The following NET1 variants were observed in gnomAD, a reference collection of about 807,000 sequenced individuals.
NET1 encodes neuroepithelial cell transforming 1.
NET1 carries 42 observed loss-of-function variants against 61.1 expected under a neutral mutation model. That is an observed-to-expected ratio of 0.69 (90% confidence interval 0.54 to 0.89). The LOEUF (loss-of-function observed/expected upper bound fraction) is 0.89, where lower values mean the gene tolerates loss of function less well. NET1 is among the 40% of genes least tolerant of loss of function. The pLI is 0.00. For synonymous variants in NET1, 254 were observed against 281.8 expected, an observed-to-expected ratio of 0.90 and a Z score of 0.99; for missense variants, 654 against 747.3, an observed-to-expected ratio of 0.88 and a Z score of 1.46.
At position 5,429,857 on chromosome 10, in the gene NET1, T is replaced by A. The variant is rs183053118; in HGVS notation, c.255+628T>A. Among the ~76,000 whole-genome samples, 578 of 151,984 alleles carry A rather than the reference T, an allele frequency of 3.8e-3. 6 individuals carry two copies. The highest frequency in any genetic ancestry group is 0.013 in the African/African-American group (533 of 41,552). ...CCAGTTAGTAAATTTTACTGTAGCA[T>A]CTTGGTTTTGGAGAGTCTTTTTTTA... On this transcript the variant is annotated intron_variant, in intron 3 of 11. Transcript: ENST00000355029.
chr10:5,424,005 G>T lies in NET1; in HGVS notation c.129-2650G>T, dbSNP rs1832221448. 6.6e-6 allele frequency among the ~76,000 whole-genome samples: 1 copy of T among 152,070 alleles called. No homozygotes were observed. The stretch of plus-strand genomic sequence containing the variant: ...TGGAAAGAATTTTATCATATGATTG[G>T]AAATATTTTTCCAGTTAACCTTTTA... On this transcript the variant is annotated intron_variant, in intron 1 of 11. Transcript: ENST00000355029. The surrounding 1 kb of genome is among the most constrained non-coding windows in gnomAD (Gnocchi z 6.1).
rs1380384547 is a variant in NET1 at position 5,427,232 on chromosome 10, T to A, written c.195+511T>A. 6.6e-6 allele frequency among the ~76,000 whole-genome samples: 1 copy of A among 152,170 alleles called. No individual in the cohort carries two copies. The highest frequency in any genetic ancestry group is 1.5e-5 in the Non-Finnish European group (1 of 68,022). On this transcript the variant is annotated intron_variant, in intron 2 of 11. Transcript: ENST00000355029. This position sits in a 1 kb window ranked among gnomAD's most constrained non-coding sequence, Gnocchi z 4.1. ...AAGTGATAACAGAAAATTGATTCTT[T>A]TTGTACTTAAAACTTATTAGCTCAT...
Position 5,439,308 on chromosome 10 carries a change from A to G in NET1, c.255+10079A>G, listed in dbSNP as rs1390702824. 6.6e-6 allele frequency among the ~76,000 whole-genome samples: 1 copy of G among 152,154 alleles called. No homozygotes were observed. The highest frequency in any genetic ancestry group is 2.4e-5 in the African/African-American group (1 of 41,440). ...GTCCATTTTCTGCTCATACCAACAT[A>G]TGAAGCTAATTCATGTGTGAATGAG... On this transcript the variant is annotated intron_variant, in intron 3 of 11. Coordinates refer to ENST00000355029, the MANE Select transcript of NET1 (RefSeq NM_001047160.3). The surrounding 1 kb of genome is among the most constrained non-coding windows in gnomAD (Gnocchi z 4.8).
At chr10:5,442,397 T>C (rs1454965972) in intron 3 of NET1, among the ~76,000 whole-genome samples, 1 of 151,614 alleles carries the variant, frequency 6.6e-6, no homozygotes, top group Non-Finnish European at 1.5e-5. Flanking sequence ...TCCTAAGCTC[T>C]AATTTATTTC....
At position 5,423,577 on chromosome 10, in the gene NET1, T is replaced by C. The variant is rs1832213033; in HGVS notation, c.129-3078T>C. 1.3e-5 allele frequency among the ~76,000 whole-genome samples: 2 copies of C among 152,208 alleles called. No homozygotes were observed. ...ATTAGTTTATTTTATTCCTTAAATG[T>C]TGTAATTATTTGGATATATAGAAAA... On this transcript the variant is annotated intron_variant, in intron 1 of 11. Transcript: ENST00000355029. This position sits in a 1 kb window ranked among gnomAD's most constrained non-coding sequence, Gnocchi z 4.4.
rs971737059 is a variant in NET1 at position 5,435,391 on chromosome 10, G to A, written c.255+6162G>A. On this transcript the variant is annotated intron_variant, in intron 3 of 11. Coordinates refer to ENST00000355029, the MANE Select transcript of NET1 (RefSeq NM_001047160.3). The surrounding 1 kb of genome is among the most constrained non-coding windows in gnomAD (Gnocchi z 5.0). ...TACATCTAAATACAACAGTTTTTAT[G>A]TAATAAGCTAAACATAATCTGTTAG... Among the ~76,000 whole-genome samples the A allele has an allele frequency of 1.3e-5, 2 of 152,004 alleles. No individual in the cohort carries two copies. The highest frequency in any genetic ancestry group is 2.4e-5 in the African/African-American group (1 of 41,350).
At position 5,446,646 on chromosome 10, in the gene NET1, C is replaced by T. The variant is rs937079002; in HGVS notation, c.256-5184C>T. On this transcript the variant is annotated intron_variant, in intron 3 of 11. Transcript: ENST00000355029. This position sits in a 1 kb window ranked among gnomAD's most constrained non-coding sequence, Gnocchi z 5.0. ...TCCACCGCGGCGAGAGGCATGGGCA[C>T]GTGGCTGCCGAGGGTGGCCGAGCTC... The T allele has an allele frequency of 4.7e-5, 61 of 1,302,130 alleles. No homozygotes were observed. The Admixed American group carries it at 1.7e-3, about 37-fold the overall frequency. The allele number at this position is 1,302,130 out of a possible 1,614,324, so 80.7% of individuals were successfully genotyped here.
Position 5,456,011 on chromosome 10 carries a change from G to A in NET1, c.1198-76G>A, listed in dbSNP as rs1832790554. ...TAAATCTGATGAAATTAATAATGTC[G>A]AGTTATTTTAGCAATATATTTCAGT... On this transcript the variant is annotated intron_variant, in intron 10 of 11. Transcript: ENST00000355029. This position sits in a 1 kb window ranked among gnomAD's most constrained non-coding sequence, Gnocchi z 7.0. 4.6e-6 allele frequency: 6 copies of A among 1,314,870 alleles called. No homozygotes were observed. The South Asian group carries it at 4.7e-5, about 10-fold the overall frequency. The allele number at this position is 1,314,870 out of a possible 1,614,324, so 81.5% of individuals were successfully genotyped here.
chr10:5,414,859 G>GTTT lies in NET1; in HGVS notation c.128+2039_128+2040insTTT, dbSNP rs1832052319. 2.0e-5 allele frequency among the ~76,000 whole-genome samples: 3 copies of GTTT among 152,264 alleles called. No individual in the cohort carries two copies. In the South Asian group the frequency reaches 6.2e-4, roughly 32 times the overall value. The stretch of plus-strand genomic sequence containing the variant: ...GATGATATATAGTTTTGAAGAATGG[G>GTTT]GTGTGTTGTGAGCAGGAATTTGAGG... On this transcript the variant is annotated intron_variant, in intron 1 of 11. Transcript: ENST00000355029.
At chr10:5,433,920 AT>A (rs10709166) in intron 3 of NET1, among the ~76,000 whole-genome samples, 75,569 of 151,650 alleles carry the variant, frequency 0.5, 21,556 homozygotes, top group Admixed American at 0.64. Flanking sequence ...TTCTGAAATA[AT>A]TTTTTTTATT....
chr10:5,448,799 T>A (rs1363607081), intron 3 of NET1, among the ~76,000 whole-genome samples: 1 of 151,540 alleles, frequency 6.6e-6, no homozygotes, highest in African/African-American at 2.4e-5. Context: ...GCAGTGGAAC[T>A]ATGGGTGCCT....
chr10:5,419,668 C>T (rs556135581), intron 1 of NET1, among the ~76,000 whole-genome samples: 33 of 142,292 alleles, frequency 2.3e-4, no homozygotes, highest in Admixed American at 3.6e-4. Context: ...AAGGCAAGTC[C>T]GCTACCAACA....
chr10:5,435,598 G>A lies in NET1; in HGVS notation c.255+6369G>A, dbSNP rs1832418455. On this transcript the variant is annotated intron_variant, in intron 3 of 11. Transcript: ENST00000355029. This position sits in a 1 kb window ranked among gnomAD's most constrained non-coding sequence, Gnocchi z 5.0. ...CTCCGTAAATATTGAATTAATGAAT[G>A]AAATATTAATAATACAGGTCAAATG... Among the ~76,000 whole-genome samples the A allele has an allele frequency of 6.6e-6, 1 of 152,078 alleles. No individual in the cohort carries two copies.
chr10:5,414,329 C>G (rs185692136), intron 1 of NET1, among the ~76,000 whole-genome samples: 71 of 152,248 alleles, frequency 4.7e-4, no homozygotes, highest in African/African-American at 1.6e-3. Flanking sequence ...GAGCCAATGG[C>G]ATGACATATT....
chr10:5,438,928 C>T (rs1249129765), intron 3 of NET1, among the ~76,000 whole-genome samples: 6 of 152,196 alleles, frequency 3.9e-5, no homozygotes, highest in African/African-American at 9.7e-5. Context: ...CTCCTGTGCT[C>T]ATGGGTCTAT....
chr10:5,457,825 G>A lies in NET1; in HGVS notation c.*831G>A, dbSNP rs570052697. On this transcript the variant is annotated 3_prime_UTR_variant, in exon 12 of 12. Coordinates refer to ENST00000355029, the MANE Select transcript of NET1 (RefSeq NM_001047160.3). The surrounding 1 kb of genome is among the most constrained non-coding windows in gnomAD (Gnocchi z 5.4). ...TTAAGAAAATTGCCATTTTTAAAGT[G>A]TAGCATTTCAGGGTAAAGACCCATG... The A allele has an allele frequency of 3.9e-5, 6 of 152,624 alleles. No homozygotes were observed. In the East Asian group the frequency reaches 7.7e-4, roughly 20 times the overall value. 9.5% of individuals were successfully genotyped at this position (152,624 alleles called of 1,614,324 possible). A position where few individuals can be genotyped will look rare whatever the true frequency, so the allele number is the denominator to read the frequency against.
chr10:5,426,531 G>A lies in NET1; in HGVS notation c.129-124G>A. 7 of 634,208 alleles carry A rather than the reference G, an allele frequency of 1.1e-5. No individual in the cohort carries two copies. In the South Asian group the frequency reaches 1.5e-4, roughly 13 times the overall value. The allele number at this position is 634,208 out of a possible 1,614,324, so 39.3% of individuals were successfully genotyped here. A position where few individuals can be genotyped will look rare whatever the true frequency, so the allele number is the denominator to read the frequency against. ...GACCATCTCTCATATTACTAAGATT[G>A]AATGACAAATCAGGCCACTTTAAAC... On this transcript the variant is annotated intron_variant, in intron 1 of 11. Coordinates refer to ENST00000355029, the MANE Select transcript of NET1 (RefSeq NM_001047160.3). This position sits in a 1 kb window ranked among gnomAD's most constrained non-coding sequence, Gnocchi z 4.6.
chr10:5,434,395 G>A (rs1832393839), intron 3 of NET1, among the ~76,000 whole-genome samples: 1 of 152,186 alleles, frequency 6.6e-6, no homozygotes, highest in Non-Finnish European at 1.5e-5. Flanking sequence ...GGCCCAGACT[G>A]CTCTAACACC....
At position 5,429,211 on chromosome 10, in the gene NET1, T is replaced by C. The variant is rs1277149332; in HGVS notation, c.237T>C (p.Leu79=). The change falls in exon 3 of 12, where the codon CTT becomes CTC. Residue 79 remains leucine (L), a synonymous_variant. Coordinates refer to ENST00000355029, the MANE Select transcript of NET1 (RefSeq NM_001047160.3). ...AGAAAGATGATGATGTTGTAAGCCTTAGCAGCCTTGATCTGAAGGTAAGCC... is the reference window on the plus strand; with the variant it reads ...AGAAAGATGATGATGTTGTAAGCCTCAGCAGCCTTGATCTGAAGGTAAGCC... The part of the protein sequence containing the change: ...RREKDDDVVS[L]SSLDLKEPSN... The C allele has an allele frequency of 6.2e-7, 1 of 1,609,382 alleles. No individual in the cohort carries two copies. The highest frequency in any genetic ancestry group is 1.1e-5 in the South Asian group (1 of 90,006).
Sources: allele counts gnomAD v4.1 joint callset (sites outside exome capture counted in the v4.1 genomes callset), GRCh38; gene constraint gnomAD v4.1.1; non-coding constraint Gnocchi (gnomAD v3.1); transcripts MANE v1.5; gene names NCBI Gene and HGNC (gene_info 2026-07-23, HGNC 2026-07-21).